Variants in FAM193B observed in about 807,000 individuals in gnomAD.
FAM193B encodes protein FAM193B.
Under a neutral mutation model 70.7 loss-of-function variants are expected in FAM193B, and 27 were observed. The ratio of observed to expected loss-of-function variants is 0.38; its 90% CI spans 0.28 to 0.53. The LOEUF (loss-of-function observed/expected upper bound fraction) is 0.53, where lower values mean the gene tolerates loss of function less well. Ranked by LOEUF, FAM193B falls within the 20% of genes least tolerant of loss-of-function variation. The pLI, the probability that FAM193B is intolerant of heterozygous loss-of-function variation, is 0.81. For synonymous variants in FAM193B, 448 were observed against 436.0 expected, an observed-to-expected ratio of 1.03 and a Z score of -0.34; for missense variants, 1,022 against 1,072.5, an observed-to-expected ratio of 0.95 and a Z score of 0.66.
intron 7 of FAM193B, chr5:177,522,901 G>A (rs2127445602): frequency 6.6e-6 from 1 of 152,328 alleles, no homozygotes; most frequent in Middle Eastern, 3.4e-3. Flanking sequence ...TTTTATTAGA[G>A]ACAGGGTTTC....
Position 177,521,978 on chromosome 5 carries a change from C to G in FAM193B, c.2466G>C (p.Gln822His). ...SLKKTTPSTA[Q>H] ...TAACTCTTGGGGTCTCTGTACCTCA[C>G]TGAGCTGTGCTAGGAGTGGTTTTCT... Residue 822 changes from glutamine (Q) to histidine (H), a missense_variant, in exon 8 of 9, where the codon CAG becomes CAC. Transcript: ENST00000514747. 1.2e-6 allele frequency: 2 copies of G among 1,613,676 alleles called. No homozygotes were observed. Among genetic ancestry groups the G allele is most frequent in the Non-Finnish European group, 1.7e-6 (2 of 1,179,588 alleles).
In FAM193B at chr5:177,538,885, C is replaced by T; in HGVS notation, c.453+20G>A. 1 of 1,612,062 alleles carries T rather than the reference C, an allele frequency of 6.2e-7. No individual in the cohort carries two copies. The highest frequency in any genetic ancestry group is 8.5e-7 in the Non-Finnish European group (1 of 1,178,426). On this transcript the variant is annotated intron_variant, in intron 2 of 8. Coordinates refer to ENST00000514747, the MANE Select transcript of FAM193B (RefSeq NM_001190946.3). The surrounding 1 kb of genome is among the most constrained non-coding windows in gnomAD (Gnocchi z 4.1). ...GAGGAGCCCTCCTGCATTCAGGGAC[C>T]CCTGTCAGCGGTTACCTACCGCCAC...
At chr5:177,521,436 C>G (rs977721685) in intron 8 of FAM193B, among the ~76,000 whole-genome samples, 3 of 152,248 alleles carry the variant, frequency 2.0e-5, no homozygotes, top group Non-Finnish European at 2.9e-5. Context: ...CCTCATGGAG[C>G]TTGCCCTGCT....
At chr5:177,522,135 C>CATGAG (rs1761846733) in intron 7 of FAM193B, 64 bp from the exon 8 acceptor site, 1 of 1,293,152 alleles carries the variant, frequency 7.7e-7, no homozygotes, top group Non-Finnish European at 1.1e-6. Context: ...TCACTGGACT[C>CATGAG]CTAAGGTACC....
At chr5:177,546,447 G>T (rs910816089) in intron 1 of FAM193B, among the ~76,000 whole-genome samples, 10 of 152,204 alleles carry the variant, frequency 6.6e-5, no homozygotes, top group Admixed American at 5.2e-4. Context: ...ATAAATAAAT[G>T]AAAGCTTAAA....
chr5:177,546,697 G>A (rs1765468808), intron 1 of FAM193B, among the ~76,000 whole-genome samples: 1 of 152,142 alleles, frequency 6.6e-6, no homozygotes, highest in Non-Finnish European at 1.5e-5. Context: ...GCAGGCTGTG[G>A]GCTCAGGCCC....
chr5:177,540,556 C>A (rs990315262), intron 1 of FAM193B, among the ~76,000 whole-genome samples: 1 of 152,140 alleles, frequency 6.6e-6, no homozygotes, highest in Non-Finnish European at 1.5e-5. Flanking sequence ...TTTCCATGCA[C>A]GGCTGGGCTT....
intron 1 of FAM193B, chr5:177,553,307 G>A (rs28562433): frequency 1.0e-6 from 1 of 988,666 alleles, no homozygotes; most frequent in Non-Finnish European, 1.2e-6. Flanking sequence ...TCCTCATCCG[G>A]CGCCGCATCC....
chr5:177,550,109 G>GT, intron 1 of FAM193B, among the ~76,000 whole-genome samples: 1 of 152,034 alleles, frequency 6.6e-6, no homozygotes, highest in South Asian at 2.1e-4. Context: ...GAGTCCAGGA[G>GT]TTTGAGGATA....
intron 1 of FAM193B, among the ~76,000 whole-genome samples, chr5:177,548,203 A>G (rs1248062881): frequency 6.6e-6 from 1 of 152,180 alleles, no homozygotes; most frequent in Non-Finnish European, 1.5e-5. Flanking sequence ...TTTTGTTTAA[A>G]AACGTATCTC....
intron 4 of FAM193B, among the ~76,000 whole-genome samples, chr5:177,533,343 C>T (rs28687719): frequency 6.7e-6 from 1 of 148,938 alleles, no homozygotes; most frequent in African/African-American, 2.5e-5. Flanking sequence ...CTTGCTGTGT[C>T]GCCCAGGCTG....
At chr5:177,534,519 G>A (rs1473344782) in intron 4 of FAM193B, among the ~76,000 whole-genome samples, 1 of 151,838 alleles carries the variant, frequency 6.6e-6, no homozygotes, top group Admixed American at 6.6e-5. Flanking sequence ...GGCCAGGCTG[G>A]TCTGGAATTC....
At position 177,536,495 on chromosome 5, in the gene FAM193B, G is replaced by T; in HGVS notation, c.939C>A (p.Pro313=). 1 of 1,571,120 alleles carries T rather than the reference G, an allele frequency of 6.4e-7. No homozygotes were observed. Among genetic ancestry groups the T allele is most frequent in the Admixed American group, 2.1e-5 (1 of 48,534 alleles). Residue 313 remains proline (P), a synonymous_variant, in exon 4 of 9, where the codon CCC becomes CCA. Transcript: ENST00000514747. The part of the protein sequence containing the change: ...TPGPCQSSHL[P]STSMPLLKMP... ...TCTTCAGGAGCGGCATGCTGGTGGA[G>T]GGTAGATGGGAGCTCTGACATGGCC...
At position 177,532,173 on chromosome 5, in the gene FAM193B, T is replaced by C; in HGVS notation, c.1275+270A>G. Reference sequence around the variant, plus strand: ...ATACATACTCATCAGAATCATAGCTTTCTCTCTGCCATTTCCTTTCCTTTT... The same window carrying C: ...ATACATACTCATCAGAATCATAGCTCTCTCTCTGCCATTTCCTTTCCTTTT... On this transcript the variant is annotated intron_variant, in intron 5 of 8. Transcript: ENST00000514747. This position sits in a 1 kb window ranked among gnomAD's most constrained non-coding sequence, Gnocchi z 4.9. 6.8e-7 allele frequency: 1 copy of C among 1,468,112 alleles called. No homozygotes were observed. Among genetic ancestry groups the C allele is most frequent in the Non-Finnish European group, 9.1e-7 (1 of 1,104,256 alleles). The allele number at this position is 1,468,112 out of a possible 1,614,324, so 90.9% of individuals were successfully genotyped here.
chr5:177,551,799 G>GT (rs1452061313), intron 1 of FAM193B, among the ~76,000 whole-genome samples: 1 of 152,222 alleles, frequency 6.6e-6, no homozygotes, highest in African/African-American at 2.4e-5. Flanking sequence ...CTCTGTAGAT[G>GT]TAAGACAGGG....
At chr5:177,546,418 C>T (rs1765433959) in intron 1 of FAM193B, among the ~76,000 whole-genome samples, 1 of 152,236 alleles carries the variant, frequency 6.6e-6, no homozygotes, top group Admixed American at 6.5e-5. Context: ...GGGCCTGACA[C>T]ATTGCAGGCA....
chr5:177,552,613 T>G (rs1766419244), intron 1 of FAM193B, among the ~76,000 whole-genome samples: 1 of 152,210 alleles, frequency 6.6e-6, no homozygotes, highest in African/African-American at 2.4e-5. Flanking sequence ...TCTCCCTTTT[T>G]GGATAACAGC....
intron 1 of FAM193B, among the ~76,000 whole-genome samples, chr5:177,541,458 G>A (rs942583145): frequency 3.3e-5 from 5 of 151,688 alleles, no homozygotes; most frequent in African/African-American, 9.7e-5. Flanking sequence ...TCGCTCTGTC[G>A]CCCAGGCTGG....
chr5:177,522,136 C>T (rs1761847455), intron 7 of FAM193B, 65 bp from the exon 8 acceptor site: 1 of 1,294,150 alleles, frequency 7.7e-7, no homozygotes, highest in Non-Finnish European at 1.1e-6. Flanking sequence ...CACTGGACTC[C>T]TAAGGTACCA....
Sources: allele counts gnomAD v4.1 joint callset (sites outside exome capture counted in the v4.1 genomes callset), GRCh38; gene constraint gnomAD v4.1.1; non-coding constraint Gnocchi (gnomAD v3.1); transcripts MANE v1.5; gene names NCBI Gene and HGNC (gene_info 2026-07-23, HGNC 2026-07-21).